HSPG2: variants seen among roughly 807,000 people sequenced by gnomAD.
HSPG2 encodes the protein basement membrane-specific heparan sulfate proteoglycan core protein.
Under a neutral mutation model 526.6 loss-of-function variants are expected in HSPG2, and 278 were observed. The observed-to-expected ratio is 0.53, with a 90% CI of 0.48 to 0.58. The LOEUF (loss-of-function observed/expected upper bound fraction) is 0.58. HSPG2 is among the 20% of genes least tolerant of loss of function. The pLI is 0.00. For synonymous variants in HSPG2, 2,465 were observed against 2,555.4 expected (o/e 0.96, Z 1.07); for missense variants, 5,354 against 6,099.5 (o/e 0.88, Z 4.07).
chr1:21,867,505 C>T (rs968213305), intron 33 of HSPG2, among the ~76,000 whole-genome samples: 2 of 152,140 alleles, frequency 1.3e-5, no homozygotes, highest in Non-Finnish European at 2.9e-5. Context: ...ACTTTCCTCA[C>T]ATGGAAATGG....
intron 33 of HSPG2, chr1:21,869,515 G>T: frequency 1.0e-6 from 1 of 988,220 alleles, no homozygotes; most frequent in Non-Finnish European, 1.2e-6. Context: ...GGAGGAGGAG[G>T]AGGAAGAAGA....
chr1:21,847,992 G>A lies in HSPG2; in HGVS notation c.7839C>T (p.Leu2613=), dbSNP rs1338876986. The part of the protein sequence containing the change: ...SNGAGSRETS[L]IVTIQGSGSS... ...AACCGCTGCCCTGGATGGTGACGATGAGCGAGGTCTCCCGGGAGCCTGCAC... is the reference window on the plus strand; with the variant it reads ...AACCGCTGCCCTGGATGGTGACGATAAGCGAGGTCTCCCGGGAGCCTGCAC... Residue 2613 remains leucine, a synonymous_variant, in exon 60 of 97, where the codon CTC becomes CTT. Coordinates refer to ENST00000374695, the MANE Select transcript of HSPG2 (RefSeq NM_005529.7). This position sits in a 1 kb window ranked among gnomAD's most constrained non-coding sequence, Gnocchi z 4.1. 6.2e-7 allele frequency: 1 copy of A among 1,613,746 alleles called. No individual in the cohort carries two copies. The highest frequency in any genetic ancestry group is 8.5e-7 in the Non-Finnish European group (1 of 1,180,024).
chr1:21,834,990 G>A, intron 76 of HSPG2, 45 bp from the exon 77 acceptor site: 1 of 1,603,196 alleles, frequency 6.2e-7, no homozygotes, highest in Non-Finnish European at 8.5e-7. Context: ...AGTCACTGCA[G>A]GCCTGGCCCG....
rs369444776 is a variant in HSPG2, at chr1:21,830,059, G to A, written c.11704C>T (p.Arg3902Trp). ...ACGPDATCVN[R>W]PDGRGYTCRC... ...CAGGTGTAGCCTCGACCGTCAGGCCGGTTCACACAGGTGGCGTCGGGCCCA... is the reference window on the plus strand; with the variant it reads ...CAGGTGTAGCCTCGACCGTCAGGCCAGTTCACACAGGTGGCGTCGGGCCCA... Residue 3902 changes from arginine (R) to tryptophan (W), a missense_variant, in exon 86 of 97, where the codon CGG becomes TGG. Arg to Trp is a moderately radical substitution (Grantham distance 101). Coordinates refer to ENST00000374695, the MANE Select transcript of HSPG2 (RefSeq NM_005529.7). The A allele has an allele frequency of 5.1e-5, 82 of 1,603,406 alleles. No homozygotes were observed. The highest frequency in any genetic ancestry group is 1.1e-4 in the African/African-American group (8 of 74,794).
chr1:21,843,403 G>A lies in HSPG2; in HGVS notation c.8652C>T (p.Ser2884=). 6.2e-7 allele frequency: 1 copy of A among 1,613,840 alleles called. No individual in the cohort carries two copies. Among genetic ancestry groups the A allele is most frequent in the Non-Finnish European group, 8.5e-7 (1 of 1,179,898 alleles). ...ACGAGTACTCGCCAGAGTCAGCCGG[G>A]GACACCTGGTTCAGCCTCAGCAGTG... The part of the protein sequence containing the change: ...HGPLLRLNQV[S]PADSGEYSCQ... The change falls in exon 66 of 97, where the codon TCC becomes TCT. Residue 2884 remains serine, a synonymous_variant. Coordinates refer to ENST00000374695, the MANE Select transcript of HSPG2 (RefSeq NM_005529.7).
rs62642500 is a variant in HSPG2, at chr1:21,830,075, G to A, written c.11688C>T (p.Asp3896=). 75 of 1,599,656 alleles carry A rather than the reference G, an allele frequency of 4.7e-5. No individual in the cohort carries two copies. The African/African-American group carries it at 6.9e-4, about 15-fold the overall frequency. Residue 3896 remains aspartate (D), a synonymous_variant, in exon 86 of 97, where the codon GAC becomes GAT. Transcript: ENST00000374695. ...CGTCAGGCCGGTTCACACAGGTGGC[G>A]TCGGGCCCACAGGCCTCTGGGGGGC... ...LHCHPEACGP[D]ATCVNRPDGR... is the part of the protein sequence containing the mutation.
Position 21,937,205 on chromosome 1 carries a change from C to T in HSPG2, c.13G>A (p.Ala5Thr). 9.3e-7 allele frequency: 1 copy of T among 1,075,372 alleles called. No homozygotes were observed. The highest frequency in any genetic ancestry group is 1.1e-6 in the Non-Finnish European group (1 of 878,536). The allele number at this position is 1,075,372 out of a possible 1,614,324, so 66.6% of individuals were successfully genotyped here. Reference protein sequence around the residue: MGWRAAGALLLALLL... With the variant: MGWRTAGALLLALLL... ...AGCGCCAGCAGCAGCGCGCCCGCCG[C>T]CCGCCACCCCATGGCCCGGCCCGCG... Residue 5 changes from alanine to threonine, a missense_variant, in exon 1 of 97, where the codon GCG becomes ACG. Ala to Thr is a moderately conservative substitution (Grantham distance 58). Transcript: ENST00000374695.
chr1:21,836,159 C>T (rs2098025589), intron 75 of HSPG2, among the ~76,000 whole-genome samples: 1 of 152,126 alleles, frequency 6.6e-6, no homozygotes, highest in Non-Finnish European at 1.5e-5. Context: ...CTCAAGATTA[C>T]ACAGTTATCA....
At chr1:21,935,085 TC>T (rs1260698887) in intron 1 of HSPG2, among the ~76,000 whole-genome samples, 9 of 151,596 alleles carry the variant, frequency 5.9e-5, no homozygotes, top group African/African-American at 1.9e-4. Context: ...TTTTGTATTT[TC>T]AGTACAGATG....
chr1:21,857,967 G>A (rs994117154), intron 42 of HSPG2, among the ~76,000 whole-genome samples: 1 of 152,112 alleles, frequency 6.6e-6, no homozygotes, highest in Non-Finnish European at 1.5e-5. Flanking sequence ...TTCTGCTCTC[G>A]CAACATCAGC....
Position 21,855,889 on chromosome 1 carries a change from C to T in HSPG2, c.5599G>A (p.Val1867Met), listed in dbSNP as rs1432356929. ...AGCTGTGGCGGATGGATGGAGACCA[C>T]GGGGGCGGACAAGGTGCCCGAGGCT... ...VQASGTLSAP[V>M]VSIHPPQLTV... Residue 1867 changes from valine (V) to methionine (M), a missense_variant, in exon 45 of 97, where the codon GTG becomes ATG. Transcript: ENST00000374695. 45 of 1,611,058 alleles carry T rather than the reference C, an allele frequency of 2.8e-5. No individual in the cohort carries two copies. The highest frequency in any genetic ancestry group is 3.5e-5 in the Non-Finnish European group (41 of 1,179,984).
rs757122703 is a variant in HSPG2, at chr1:21,855,930, G to C, written c.5576-18C>G. ...GCCCGAGGCTGACAAGGGAGGAAAA[G>C]GAACATGCACTCAGGGTGGGGAGTG... On this transcript the variant is annotated intron_variant, in intron 44 of 96. Coordinates refer to ENST00000374695, the MANE Select transcript of HSPG2 (RefSeq NM_005529.7). 19 of 1,605,286 alleles carry C rather than the reference G, an allele frequency of 1.2e-5. No individual in the cohort carries two copies. The Admixed American group carries it at 3.2e-4, about 27-fold the overall frequency.
At position 21,823,726 on chromosome 1, in the gene HSPG2, T is replaced by C. The variant is rs1327201232; in HGVS notation, c.12900-7A>G. On this transcript the variant is annotated splice_polypyrimidine_tract_variant and splice_region_variant and intron_variant, in intron 95 of 96. Coordinates refer to ENST00000374695, the MANE Select transcript of HSPG2 (RefSeq NM_005529.7). The stretch of plus-strand genomic sequence containing the variant: ...GGAACCTCTGCGGCCCTCCCTGCAG[T>C]GGAACTGGGTCAGGCCCCTTTCCAC... The C allele has an allele frequency of 1.9e-6, 3 of 1,611,016 alleles. No homozygotes were observed. In the African/African-American group the frequency reaches 4.0e-5, roughly 22 times the overall value.
intron 13 of HSPG2, among the ~76,000 whole-genome samples, chr1:21,884,304 C>T (rs1052354112): frequency 6.6e-6 from 1 of 152,152 alleles, no homozygotes; most frequent in South Asian, 2.1e-4. Context: ...GGCCCGTCCT[C>T]GCCGTAACCT....
intron 1 of HSPG2, among the ~76,000 whole-genome samples, chr1:21,924,883 A>T (rs1644143214): frequency 6.6e-6 from 1 of 152,204 alleles, no homozygotes; most frequent in Admixed American, 6.5e-5. Flanking sequence ...TTGCTCTTTA[A>T]GCCCCATTTC....
chr1:21,839,468 G>A lies in HSPG2; in HGVS notation c.9792C>T (p.Ile3264=). The A allele has an allele frequency of 1.9e-6, 3 of 1,614,128 alleles. No individual in the cohort carries two copies. The highest frequency in any genetic ancestry group is 2.5e-6 in the Non-Finnish European group (3 of 1,179,994). The part of the protein sequence containing the change: ...WQHRLEGDTL[I]IPRVAQQDSG... ...AGTCCTGCTGGGCTACCCGGGGTAT[G>A]ATGAGTGTGTCACCTTCCAGCCGGT... The change falls in exon 73 of 97, where the codon ATC becomes ATT. Residue 3264 remains isoleucine, a synonymous_variant. Coordinates refer to ENST00000374695, the MANE Select transcript of HSPG2 (RefSeq NM_005529.7). This position sits in a 1 kb window ranked among gnomAD's most constrained non-coding sequence, Gnocchi z 4.5.
rs771119544 is a variant in HSPG2 at position 21,876,151 on chromosome 1, G to A, written c.3003+78C>T. On this transcript the variant is annotated intron_variant, in intron 23 of 96. Coordinates refer to ENST00000374695, the MANE Select transcript of HSPG2 (RefSeq NM_005529.7). ...TCTCACTATTCTCCCAAGGCACCAC[G>A]ACCCTCCCGCCTCCAAGCCTTTGCC... The A allele has an allele frequency of 3.5e-5, 55 of 1,563,596 alleles. 1 individual carries two copies. The Middle Eastern group carries it at 5.0e-4, about 14-fold the overall frequency.
chr1:21,851,985 C>A (rs1638940902), intron 53 of HSPG2, 59 bp from the exon 54 acceptor site: 1 of 1,609,112 alleles, frequency 6.2e-7, no homozygotes, highest in East Asian at 2.2e-5. Context: ...AAATGCCCCA[C>A]CGCTGTCCCC....
intron 39 of HSPG2, among the ~76,000 whole-genome samples, chr1:21,861,222 G>C (rs1475315183): frequency 1.3e-5 from 2 of 152,192 alleles, no homozygotes; most frequent in African/African-American, 2.4e-5. Flanking sequence ...ATGGTACACA[G>C]GAGCTGCTTG....
Sources: allele counts gnomAD v4.1 joint callset (sites outside exome capture counted in the v4.1 genomes callset), GRCh38; gene constraint gnomAD v4.1.1; non-coding constraint Gnocchi (gnomAD v3.1); transcripts MANE v1.5; gene names NCBI Gene and HGNC (gene_info 2026-07-23, HGNC 2026-07-21).